IGSF10: variants seen among roughly 807,000 people sequenced by gnomAD.
IGSF10 encodes immunoglobulin superfamily member 10.
Under a neutral mutation model 128.2 loss-of-function variants are expected in IGSF10, and 126 were observed. The ratio of observed to expected loss-of-function variants is 0.98; its 90% CI spans 0.85 to 1.14. The LOEUF (loss-of-function observed/expected upper bound fraction) is 1.14. IGSF10 is among the 50% of genes most tolerant of loss of function. IGSF10 has a pLI of 0.00. For missense variants in IGSF10, 3,295 were observed against 3,149.8 expected (o/e 1.05, Z -1.10); for synonymous variants, 1,185 against 1,146.2 (o/e 1.03, Z -0.68).
At chr3:151,440,501 G>A in intron 7 of IGSF10, 1 of 456,048 alleles carries the variant, frequency 2.2e-6, no homozygotes, top group South Asian at 1.5e-5. Context: ...GCTTTGCACT[G>A]GTTGTTTAAT....
the IGSF10 span, among the ~76,000 whole-genome samples, chr3:151,519,966 G>A: frequency 4.7e-4 from 71 of 151,836 alleles, no homozygotes; most frequent in African/African-American, 1.6e-3. Context: ...ATACCTGAAG[G>A]TTTTGAGAAT....
chr3:151,554,465 G>T, the IGSF10 span, among the ~76,000 whole-genome samples: 1 of 147,448 alleles, frequency 6.8e-6, no homozygotes, highest in Admixed American at 6.6e-5. Context: ...TTGCCAAAGC[G>T]ATTTTCTCCA....
At chr3:151,471,891 C>T in the IGSF10 span, among the ~76,000 whole-genome samples, 12 of 152,170 alleles carry the variant, frequency 7.9e-5, no homozygotes, top group South Asian at 2.1e-4. Flanking sequence ...TTCCTTACGA[C>T]GACTTATTTA....
chr3:151,453,451 C>A lies in IGSF10; in HGVS notation c.648G>T (p.Leu216=), dbSNP rs371529312. 1.9e-6 allele frequency: 3 copies of A among 1,612,924 alleles called. No individual in the cohort carries two copies. Among genetic ancestry groups the A allele is most frequent in the Non-Finnish European group, 2.5e-6 (3 of 1,179,660 alleles). The change falls in exon 5 of 8, where the codon CTG becomes CTT. Residue 216 remains leucine (L), a synonymous_variant. Transcript: ENST00000282466. ...SYMPDLDSLY[L]HGNPWTCDCH... ...AATCACAGGTCCATGGGTTTCCATG[C>A]AGGTAAAGGCTGTCTAGGTCAGGCA...
At chr3:151,497,905 T>G in the IGSF10 span, among the ~76,000 whole-genome samples, 1 of 152,198 alleles carries the variant, frequency 6.6e-6, no homozygotes, top group Non-Finnish European at 1.5e-5. Context: ...CCCTTTTAAG[T>G]TGGATTCCTA....
At chr3:151,590,427 C>G in the IGSF10 span, among the ~76,000 whole-genome samples, 1 of 152,022 alleles carries the variant, frequency 6.6e-6, no homozygotes, top group East Asian at 1.9e-4. Flanking sequence ...GTTTTGATTA[C>G]CAGAGGAAGA....
the IGSF10 span, among the ~76,000 whole-genome samples, chr3:151,468,445 T>A: frequency 6.6e-6 from 1 of 152,196 alleles, no homozygotes; most frequent in African/African-American, 2.4e-5. Context: ...CGCTTTTATG[T>A]AAGAGGTCTG....
chr3:151,435,330 TGC>T (rs759958594), downstream of IGSF10: 2 of 148,250 alleles, frequency 1.3e-5, no homozygotes, highest in African/African-American at 2.5e-5. Flanking sequence ...TTAATAGGGT[TGC>T]ATTTGTCAGT....
the IGSF10 span, among the ~76,000 whole-genome samples, chr3:151,615,070 AT>A: frequency 2.6e-5 from 4 of 151,948 alleles, no homozygotes; most frequent in African/African-American, 9.7e-5. Flanking sequence ...TTAATGCCAC[AT>A]TTTTTGGTAA....
At chr3:151,475,048 T>A in the IGSF10 span, among the ~76,000 whole-genome samples, 3 of 152,216 alleles carry the variant, frequency 2.0e-5, no homozygotes, top group South Asian at 2.1e-4. Flanking sequence ...CATTTTGATA[T>A]TATTCTCTTG....
At chr3:151,575,669 CT>C in the IGSF10 span, among the ~76,000 whole-genome samples, 3 of 152,218 alleles carry the variant, frequency 2.0e-5, no homozygotes, top group Admixed American at 1.3e-4. Flanking sequence ...TCCCAGACCC[CT>C]TGTGCTTCCT....
At position 151,437,244 on chromosome 3, in the gene IGSF10, T is replaced by A. The variant is rs746121345; in HGVS notation, c.7317A>T (p.Pro2439=). The change falls in exon 8 of 8, where the codon CCA becomes CCT. Residue 2439 remains proline (P), a synonymous_variant. Transcript: ENST00000282466. Reference sequence around the variant, plus strand: ...CTCCACTGATGCCTTTTACTGTCCCTGGTGCATAGGTAAGAATAACTGGCT... The same window carrying A: ...CTCCACTGATGCCTTTTACTGTCCCAGGTGCATAGGTAAGAATAACTGGCT... ...GQKPVILTYA[P]GTVKGISGES... The A allele has an allele frequency of 3.1e-6, 5 of 1,614,136 alleles. No homozygotes were observed. The highest frequency in any genetic ancestry group is 4.2e-6 in the Non-Finnish European group (5 of 1,180,052).
the IGSF10 span, among the ~76,000 whole-genome samples, chr3:151,574,046 C>G: frequency 2.8e-3 from 422 of 152,274 alleles, 1 homozygote; most frequent in Non-Finnish European, 5.1e-3. Flanking sequence ...ATATTGGCTC[C>G]CACTCTCTTC....
the IGSF10 span, among the ~76,000 whole-genome samples, chr3:151,606,654 GC>G: frequency 6.6e-6 from 1 of 152,150 alleles, no homozygotes; most frequent in Non-Finnish European, 1.5e-5. Flanking sequence ...GAGCAGGGGT[GC>G]CAGTCATTTA....
In IGSF10 at chr3:151,446,119, CCTT is replaced by C. The variant is rs760378658; in HGVS notation, c.3859_3861del (p.Lys1287del). ...GGGTTAAGGGGTGGGAAGGGAAGCT[CCTT>C]CTTTGTTGGAAGACTTCCAGGATTG... On this transcript the variant is annotated inframe_deletion, in exon 6 of 8. Transcript: ENST00000282466. 25 of 1,614,124 alleles carry C rather than the reference CCTT, an allele frequency of 1.5e-5. No homozygotes were observed. Among genetic ancestry groups the C allele is most frequent in the East Asian group, 8.9e-5 (4 of 44,878 alleles).
the IGSF10 span, among the ~76,000 whole-genome samples, chr3:151,610,151 TG>T: frequency 6.6e-6 from 1 of 152,110 alleles, no homozygotes; most frequent in South Asian, 2.1e-4. Flanking sequence ...GATAGGATGG[TG>T]GCAGTTGGGT....
chr3:151,541,119 C>T, the IGSF10 span, among the ~76,000 whole-genome samples: 1 of 152,152 alleles, frequency 6.6e-6, no homozygotes, highest in East Asian at 1.9e-4. Context: ...TTAAAATACC[C>T]TCAAAACCTC....
the IGSF10 span, among the ~76,000 whole-genome samples, chr3:151,551,206 A>G: frequency 6.6e-6 from 1 of 152,176 alleles, no homozygotes; most frequent in East Asian, 1.9e-4. Flanking sequence ...TTAAACACAG[A>G]TGTTAACTCC....
intron 7 of IGSF10, chr3:151,440,894 T>C (rs76727717): frequency 2.7e-3 from 535 of 200,422 alleles, no homozygotes; most frequent in African/African-American, 0.012. Context: ...GAGTTTAAGA[T>C]GCATATTCCC....
Sources: gnomAD v4.1 joint callset for allele counts (sites outside exome capture counted in the v4.1 genomes callset) on GRCh38, gnomAD v4.1.1 for gene constraint, MANE v1.5 for transcripts, NCBI Gene and HGNC (gene_info 2026-07-23, HGNC 2026-07-21) for gene names.